ASAP1: variants seen among roughly 807,000 people sequenced by gnomAD.
The protein encoded by ASAP1 is ArfGAP with SH3 domain, ankyrin repeat and PH domain 1, also known as arf-GAP with SH3 domain, ANK repeat and PH domain-containing protein 1.
In ASAP1, 43 loss-of-function variants were observed where a neutral mutation model predicts 145.2. The observed-to-expected ratio is 0.30, with a 90% CI of 0.23 to 0.38. The LOEUF (loss-of-function observed/expected upper bound fraction) is 0.38. Among genes scored for constraint, ASAP1 ranks in the 10% least tolerant of loss-of-function variants. ASAP1 has a pLI of 1.00. For synonymous variants in ASAP1, 546 were observed against 515.5 expected (o/e 1.06, Z -0.80); for missense variants, 1,018 against 1,355.3 (o/e 0.75, Z 3.91).
At chr8:130,309,742 CAG>C (rs1823218266) in intron 3 of ASAP1, among the ~76,000 whole-genome samples, 1 of 152,182 alleles carries the variant, frequency 6.6e-6, no homozygotes, top group Non-Finnish European at 1.5e-5. Flanking sequence ...TCAATGCAAA[CAG>C]AGATTGGCTC....
Position 130,196,634 on chromosome 8 carries a change from T to C in ASAP1, c.406-8451A>G, listed in dbSNP as rs569145301. Among the ~76,000 whole-genome samples, 6 of 152,380 alleles carry C rather than the reference T, an allele frequency of 3.9e-5. No individual in the cohort carries two copies. The South Asian group carries it at 1.2e-3, about 32-fold the overall frequency. On this transcript the variant is annotated intron_variant, in intron 5 of 29. Transcript: ENST00000518721. ...AAGACTGTATTAATTAATGAGGACA[T>C]AATTTGCTTGCTTTGTCATCTTGCA...
rs76574347 is a variant in ASAP1 at position 130,180,781 on chromosome 8, T to C, written c.630A>G (p.Glu210=). Residue 210 remains glutamate, a synonymous_variant, in exon 8 of 30, where the codon GAA becomes GAG. Coordinates refer to ENST00000518721, the MANE Select transcript of ASAP1 (RefSeq NM_018482.4). The part of the protein sequence containing the change: ...GAEIAEEMEK[E]RRLFQLQMCE... ...ACATTTGGAGCTGAAAGAGGCGCCTTTCCTTCTCCATTTCTTCCGCAATCT... is the reference window on the plus strand; with the variant it reads ...ACATTTGGAGCTGAAAGAGGCGCCTCTCCTTCTCCATTTCTTCCGCAATCT... 8.5e-4 allele frequency: 1,364 copies of C among 1,613,246 alleles called. 1 individual carries two copies. The highest frequency in any genetic ancestry group is 1.1e-3 in the Non-Finnish European group (1,279 of 1,179,686).
chr8:130,285,655 G>A (rs1238918173), intron 3 of ASAP1, among the ~76,000 whole-genome samples: 2 of 152,128 alleles, frequency 1.3e-5, no homozygotes, highest in Non-Finnish European at 2.9e-5. Context: ...TGAAAGCTCT[G>A]GGAAAGCATC....
chr8:130,415,989 A>G (rs1271883861), intron 1 of ASAP1, among the ~76,000 whole-genome samples: 1 of 152,092 alleles, frequency 6.6e-6, no homozygotes, highest in Non-Finnish European at 1.5e-5. Flanking sequence ...AGGATCAACC[A>G]ATTTCCACAA....
Position 130,167,626 on chromosome 8 carries a change from T to C in ASAP1, c.823-4A>G, listed in dbSNP as rs763077433. On this transcript the variant is annotated splice_polypyrimidine_tract_variant and splice_region_variant and intron_variant, in intron 10 of 29. Coordinates refer to ENST00000518721, the MANE Select transcript of ASAP1 (RefSeq NM_018482.4). ...CTTCATCCTGGGTCTGTTTTATCTA[T>C]GAAAAAAAAATTACTTCTATTACTT... The C allele has an allele frequency of 3.8e-6, 6 of 1,598,754 alleles. No homozygotes were observed. Among genetic ancestry groups the C allele is most frequent in the East Asian group, 4.5e-5 (2 of 44,582 alleles).
intron 3 of ASAP1, among the ~76,000 whole-genome samples, chr8:130,283,323 G>A (rs371599666): frequency 2.0e-5 from 3 of 152,166 alleles, no homozygotes; most frequent in African/African-American, 7.2e-5. Context: ...GTTCACGCCT[G>A]TAATCCCAGC....
chr8:130,174,580 A>G (rs1813823310), intron 9 of ASAP1, among the ~76,000 whole-genome samples: 1 of 152,242 alleles, frequency 6.6e-6, no homozygotes, highest in African/African-American at 2.4e-5. Flanking sequence ...AACTAGGTTC[A>G]GAACTTTCAG....
intron 1 of ASAP1, among the ~76,000 whole-genome samples, chr8:130,417,358 C>T (rs139037363): frequency 2.6e-5 from 4 of 152,358 alleles, no homozygotes; most frequent in Admixed American, 6.5e-5. Flanking sequence ...GGATGCTGGG[C>T]GGTTCCCAGA....
intron 3 of ASAP1, among the ~76,000 whole-genome samples, chr8:130,323,571 C>A (rs1191189359): frequency 2.0e-5 from 3 of 152,136 alleles, no homozygotes; most frequent in Admixed American, 6.5e-5. Flanking sequence ...AAAGTTCTAT[C>A]TCATGTGAAA....
In ASAP1 at chr8:130,074,657, G is replaced by A. The variant is rs544054689; in HGVS notation, c.2701+1691C>T. The stretch of plus-strand genomic sequence containing the variant: ...CCCCGAGGGGGTGGGAGGGTACAAG[G>A]TCTACCTTAGGACCACGGCCACCAT... On this transcript the variant is annotated intron_variant, in intron 27 of 29. Coordinates refer to ENST00000518721, the MANE Select transcript of ASAP1 (RefSeq NM_018482.4). 2.8e-4 allele frequency among the ~76,000 whole-genome samples: 43 copies of A among 152,278 alleles called. No homozygotes were observed. The South Asian group carries it at 5.4e-3, about 19-fold the overall frequency.
At chr8:130,212,721 C>T (rs967651531) in intron 5 of ASAP1, among the ~76,000 whole-genome samples, 3 of 152,182 alleles carry the variant, frequency 2.0e-5, no homozygotes, top group Non-Finnish European at 2.9e-5. Context: ...TGGAGACAAA[C>T]AAATGTATTA....
intron 27 of ASAP1, among the ~76,000 whole-genome samples, chr8:130,073,604 T>C (rs1329209345): frequency 6.6e-6 from 1 of 152,110 alleles, no homozygotes; most frequent in Non-Finnish European, 1.5e-5. Context: ...GGACAGGTAG[T>C]GTCCAGAACA....
chr8:130,371,100 T>G (rs888170295), intron 2 of ASAP1, among the ~76,000 whole-genome samples: 2 of 152,250 alleles, frequency 1.3e-5, no homozygotes, highest in African/African-American at 4.8e-5. Flanking sequence ...AAGGCATACC[T>G]TACCTGTTAA....
Position 130,254,324 on chromosome 8 carries a change from G to A in ASAP1, c.187-17330C>T, listed in dbSNP as rs115670436. On this transcript the variant is annotated intron_variant, in intron 3 of 29. Coordinates refer to ENST00000518721, the MANE Select transcript of ASAP1 (RefSeq NM_018482.4). Reference sequence around the variant, plus strand: ...TAAAAAGTGCATTGTTAAAATTCACGGCACTTAAAACAAGAATGTGACTAG... The same window carrying A: ...TAAAAAGTGCATTGTTAAAATTCACAGCACTTAAAACAAGAATGTGACTAG... Among the ~76,000 whole-genome samples the A allele has an allele frequency of 6.1e-3, 930 of 152,078 alleles. 12 individuals carry two copies. Among genetic ancestry groups the A allele is most frequent in the African/African-American group, 0.021 (876 of 41,478 alleles).
chr8:130,243,551 C>T (rs1421429622), intron 3 of ASAP1, among the ~76,000 whole-genome samples: 5 of 152,142 alleles, frequency 3.3e-5, no homozygotes, highest in Non-Finnish European at 7.4e-5. Context: ...ACCCAGCCTT[C>T]TGCCCTCTCC....
At chr8:130,261,073 A>T (rs373918669) in intron 3 of ASAP1, among the ~76,000 whole-genome samples, 66 of 152,266 alleles carry the variant, frequency 4.3e-4, no homozygotes, top group African/African-American at 1.4e-3. Context: ...TACTAGTCAC[A>T]GACCCCACTG....
intron 5 of ASAP1, among the ~76,000 whole-genome samples, chr8:130,196,930 C>G (rs988394376): frequency 1.3e-5 from 2 of 152,142 alleles, no homozygotes; most frequent in Non-Finnish European, 2.9e-5. Flanking sequence ...AGTGGCAGGT[C>G]AAAAAATAAA....
At chr8:130,255,032 T>G (rs1048391942) in intron 3 of ASAP1, among the ~76,000 whole-genome samples, 1 of 152,158 alleles carries the variant, frequency 6.6e-6, no homozygotes, top group Admixed American at 6.5e-5. Context: ...CTAAGTGACT[T>G]TCCACATAAG....
intron 5 of ASAP1, among the ~76,000 whole-genome samples, chr8:130,194,942 T>C (rs1338472073): frequency 6.6e-6 from 1 of 152,182 alleles, no homozygotes; most frequent in East Asian, 1.9e-4. Context: ...CCAAGGCACT[T>C]ACAATACAGC....
Sources: gnomAD v4.1 joint callset for allele counts (sites outside exome capture counted in the v4.1 genomes callset) on GRCh38, gnomAD v4.1.1 for gene constraint, MANE v1.5 for transcripts, NCBI Gene and HGNC (gene_info 2026-07-23, HGNC 2026-07-21) for gene names.